RGS7BP: variants seen among roughly 807,000 people sequenced by gnomAD.
The protein encoded by RGS7BP is regulator of G protein signaling 7 binding protein, also known as regulator of G protein signaling 7-binding protein.
RGS7BP carries 9 observed loss-of-function variants against 31.3 expected under a neutral mutation model. The observed-to-expected ratio is 0.29, with a 90% CI of 0.17 to 0.50. RGS7BP has a LOEUF of 0.50. RGS7BP is among the 20% of genes least tolerant of loss of function. The pLI is 0.98. For synonymous variants in RGS7BP, 115 were observed against 120.1 expected, an observed-to-expected ratio of 0.96 and a Z score of 0.28; for missense variants, 274 against 322.0, an observed-to-expected ratio of 0.85 and a Z score of 1.14.
At chr5:64,530,458 T>C (rs766136355) in intron 2 of RGS7BP, among the ~76,000 whole-genome samples, 3 of 152,206 alleles carry the variant, frequency 2.0e-5, no homozygotes, top group Non-Finnish European at 4.4e-5. Context: ...CATACCTGTG[T>C]GATATTTTTA....
intron 3 of RGS7BP, among the ~76,000 whole-genome samples, chr5:64,594,349 A>G (rs867462269): frequency 4.6e-5 from 7 of 152,106 alleles, no homozygotes; most frequent in Non-Finnish European, 1.0e-4. Flanking sequence ...CTAAGCACCA[A>G]AAGCCAGTAG....
At chr5:64,587,867 C>T (rs1257728563) in intron 3 of RGS7BP, among the ~76,000 whole-genome samples, 8 of 152,120 alleles carry the variant, frequency 5.3e-5, no homozygotes, top group Non-Finnish European at 1.0e-4. Flanking sequence ...ACATATTATC[C>T]AGCCCTTTTT....
chr5:64,564,075 C>T (rs923340590), intron 2 of RGS7BP, among the ~76,000 whole-genome samples: 2 of 152,154 alleles, frequency 1.3e-5, no homozygotes, highest in Admixed American at 6.6e-5. Flanking sequence ...TATCTCTTAA[C>T]ATTGAATAGG....
intron 3 of RGS7BP, among the ~76,000 whole-genome samples, chr5:64,581,330 C>G (rs888991806): frequency 6.6e-6 from 1 of 152,178 alleles, no homozygotes; most frequent in African/African-American, 2.4e-5. Flanking sequence ...GCTTTTCCAT[C>G]AAGGAAAAAT....
chr5:64,508,910 A>T (rs1298684064), intron 2 of RGS7BP, among the ~76,000 whole-genome samples: 1 of 152,190 alleles, frequency 6.6e-6, no homozygotes, highest in Non-Finnish European at 1.5e-5. Context: ...GTTTATAAAG[A>T]TTGGAAAGCC....
At chr5:64,573,560 T>C (rs1742349825) in intron 2 of RGS7BP, 1 of 151,806 alleles carries the variant, frequency 6.6e-6, no homozygotes, top group East Asian at 1.9e-4. Flanking sequence ...AAAAAAAATC[T>C]GCATATGAGT....
At chr5:64,526,929 C>T (rs1470407321) in intron 2 of RGS7BP, among the ~76,000 whole-genome samples, 1 of 152,202 alleles carries the variant, frequency 6.6e-6, no homozygotes, top group Non-Finnish European at 1.5e-5. Flanking sequence ...TTCCCCTCTA[C>T]CACCTGTAAA....
At chr5:64,565,918 T>A (rs1028638836) in intron 2 of RGS7BP, among the ~76,000 whole-genome samples, 16 of 152,080 alleles carry the variant, frequency 1.1e-4, no homozygotes, top group Admixed American at 9.8e-4. Context: ...TTGACAATTA[T>A]GCAAAAAAAT....
intron 2 of RGS7BP, among the ~76,000 whole-genome samples, chr5:64,513,700 C>A (rs188411418): frequency 1.3e-5 from 2 of 152,326 alleles, no homozygotes; most frequent in East Asian, 3.9e-4. Context: ...GCAGTGACAG[C>A]CTCTGCCGTT....
chr5:64,537,007 A>G (rs775480625), intron 2 of RGS7BP, among the ~76,000 whole-genome samples: 13 of 152,234 alleles, frequency 8.5e-5, no homozygotes, highest in Non-Finnish European at 1.6e-4. Flanking sequence ...AGTTTCTTCT[A>G]GACTTTAAAG....
chr5:64,536,343 A>C (rs1741358468), intron 2 of RGS7BP, among the ~76,000 whole-genome samples: 1 of 152,224 alleles, frequency 6.6e-6, no homozygotes, highest in African/African-American at 2.4e-5. Flanking sequence ...TGAGAAATCC[A>C]ATGAGCATCA....
At chr5:64,554,281 A>G (rs1261458298) in intron 2 of RGS7BP, among the ~76,000 whole-genome samples, 1 of 152,102 alleles carries the variant, frequency 6.6e-6, no homozygotes, top group Admixed American at 6.5e-5. Flanking sequence ...TGCACTATAC[A>G]ACTGTTTCTC....
At chr5:64,529,522 AC>A (rs1357096464) in intron 2 of RGS7BP, among the ~76,000 whole-genome samples, 1 of 152,220 alleles carries the variant, frequency 6.6e-6, no homozygotes, top group African/African-American at 2.4e-5. Context: ...ACCAGTGGTT[AC>A]CAAGCTTGTG....
At chr5:64,580,540 T>C (rs1742562406) in intron 3 of RGS7BP, among the ~76,000 whole-genome samples, 1 of 151,654 alleles carries the variant, frequency 6.6e-6, no homozygotes, top group Non-Finnish European at 1.5e-5. Flanking sequence ...AAGAAATTAG[T>C]CTCCTTCCCC....
chr5:64,567,604 A>C (rs1742201873), intron 2 of RGS7BP, among the ~76,000 whole-genome samples: 1 of 152,138 alleles, frequency 6.6e-6, no homozygotes, highest in Admixed American at 6.6e-5. Context: ...CAATTGAATA[A>C]TTTAAACATA....
chr5:64,597,980 C>T (rs1743119613), intron 4 of RGS7BP, among the ~76,000 whole-genome samples: 1 of 152,146 alleles, frequency 6.6e-6, no homozygotes, highest in Admixed American at 6.5e-5. Context: ...GCACCATCAC[C>T]CAGCCTCAAG....
Position 64,538,382 on chromosome 5 carries a change from G to A in RGS7BP, c.332+30505G>A, listed in dbSNP as rs117773381. 1.9e-3 allele frequency among the ~76,000 whole-genome samples: 288 copies of A among 151,594 alleles called. 8 individuals are homozygous for A. The East Asian group carries it at 0.05, about 26-fold the overall frequency. On this transcript the variant is annotated intron_variant, in intron 2 of 5. Transcript: ENST00000334025. ...AATCCCTTCCCCTTTTCATAGCCCC[G>A]GCAAACTCTGATCTGTATTTTGTTC...
At chr5:64,574,076 C>T (rs1010856588) in intron 2 of RGS7BP, among the ~76,000 whole-genome samples, 5 of 152,132 alleles carry the variant, frequency 3.3e-5, no homozygotes, top group African/African-American at 1.2e-4. Context: ...TCCCTTTACC[C>T]TCCTTTTAGA....
At chr5:64,573,995 A>G (rs538054716) in intron 2 of RGS7BP, among the ~76,000 whole-genome samples, 17 of 152,332 alleles carry the variant, frequency 1.1e-4, no homozygotes, top group Admixed American at 3.9e-4. Flanking sequence ...TGTTGTATGT[A>G]GGTGAAAATA....
Sources: gnomAD v4.1 joint callset for allele counts (sites outside exome capture counted in the v4.1 genomes callset) on GRCh38, gnomAD v4.1.1 for gene constraint, MANE v1.5 for transcripts, NCBI Gene and HGNC (gene_info 2026-07-23, HGNC 2026-07-21) for gene names.